The following GPHN variants were observed in gnomAD, a reference collection of about 807,000 sequenced individuals.
The protein encoded by GPHN is gephyrin.
In GPHN, 17 loss-of-function variants were observed where a neutral mutation model predicts 95.5. The observed-to-expected ratio is 0.18, with a 90% CI of 0.12 to 0.27. GPHN has a LOEUF of 0.27. Ranked by LOEUF, GPHN falls within the 10% of genes least tolerant of loss-of-function variation. GPHN has a pLI of 1.00. For synonymous variants in GPHN, 320 were observed against 322.5 expected (o/e 0.99, Z 0.08); for missense variants, 660 against 978.1 (o/e 0.67, Z 4.34).
chr14:67,332,812 A>G, the GPHN span: 3 of 1,613,492 alleles, frequency 1.9e-6, no homozygotes, highest in African/African-American at 2.7e-5. Flanking sequence ...TTGAGAAGAC[A>G]AGAGAGATGG....
At chr14:67,175,259 G>A (rs1302490977) in intron 21 of GPHN, among the ~76,000 whole-genome samples, 1 of 152,102 alleles carries the variant, frequency 6.6e-6, no homozygotes, top group African/African-American at 2.4e-5. Flanking sequence ...TTTGTATAAG[G>A]TGTAAGGAAG....
intron 8 of GPHN, among the ~76,000 whole-genome samples, chr14:66,952,617 A>T (rs1253955800): frequency 6.6e-6 from 1 of 152,206 alleles, no homozygotes; most frequent in African/African-American, 2.4e-5. Flanking sequence ...TTATCCATAG[A>T]GCTGCATCAT....
At chr14:66,627,087 C>G (rs1294662558) in intron 1 of GPHN, among the ~76,000 whole-genome samples, 3 of 151,928 alleles carry the variant, frequency 2.0e-5, no homozygotes, top group Non-Finnish European at 1.5e-5. Context: ...ATATATGACT[C>G]TTACCTTAAA....
chr14:67,355,875 C>T, the GPHN span, among the ~76,000 whole-genome samples: 3 of 151,812 alleles, frequency 2.0e-5, no homozygotes, highest in African/African-American at 7.3e-5. Context: ...TAGGGCACAC[C>T]GGTAATCCCA....
chr14:67,645,345 GA>G, the GPHN span, among the ~76,000 whole-genome samples: 2 of 152,106 alleles, frequency 1.3e-5, no homozygotes, highest in Admixed American at 1.3e-4. Context: ...ACAAATATTT[GA>G]GGTTCTTTTC....
rs561837485 is a variant in GPHN at position 66,571,765 on chromosome 14, C to T, written c.64+63174C>T. ...GTCGGAGCTTACAGTGAGCCGAGAT[C>T]GTGCCACTGCATTCTAGTCTGGGCA... is the stretch of plus-strand genomic sequence containing the variant. On this transcript the variant is annotated intron_variant, in intron 1 of 22. Transcript: ENST00000478722. 9.2e-5 allele frequency among the ~76,000 whole-genome samples: 14 copies of T among 152,150 alleles called. No homozygotes were observed. The South Asian group carries it at 1.7e-3, about 18-fold the overall frequency.
the GPHN span, chr14:67,571,717 C>T: frequency 6.2e-7 from 1 of 1,601,578 alleles, no homozygotes; most frequent in Non-Finnish European, 8.6e-7. Flanking sequence ...TGTTTTGCAG[C>T]CTGAGCTGCA....
At chr14:67,200,011 G>A in the GPHN span, 6 of 981,378 alleles carry the variant, frequency 6.1e-6, no homozygotes, top group African/African-American at 8.2e-5. Flanking sequence ...TGGACCTCAT[G>A]GTTTAGGACA....
At chr14:66,780,126 A>T (rs2059552601) in intron 3 of GPHN, among the ~76,000 whole-genome samples, 1 of 152,208 alleles carries the variant, frequency 6.6e-6, no homozygotes, top group Admixed American at 6.5e-5. Context: ...GAAATTGAGT[A>T]GATGGTGTTG....
At chr14:66,851,415 A>G (rs531148208) in intron 4 of GPHN, among the ~76,000 whole-genome samples, 1 of 152,006 alleles carries the variant, frequency 6.6e-6, no homozygotes, top group African/African-American at 2.4e-5. Context: ...TTTGTGTTTT[A>G]CCGAACTTTG....
intron 1 of GPHN, among the ~76,000 whole-genome samples, chr14:66,624,326 G>A (rs1347531375): frequency 6.6e-6 from 1 of 152,136 alleles, no homozygotes; most frequent in Non-Finnish European, 1.5e-5. Context: ...AGACACCTTG[G>A]TCCGTGTTTT....
At chr14:66,819,821 T>C (rs2061121369) in intron 3 of GPHN, among the ~76,000 whole-genome samples, 1 of 152,128 alleles carries the variant, frequency 6.6e-6, no homozygotes, top group African/African-American at 2.4e-5. Flanking sequence ...CATTCCAACA[T>C]CTTTCACTGC....
At chr14:66,611,047 G>C (rs1022756774) in intron 1 of GPHN, among the ~76,000 whole-genome samples, 3 of 152,134 alleles carry the variant, frequency 2.0e-5, no homozygotes, top group Admixed American at 6.6e-5. Context: ...CTAGGAGAAG[G>C]CTTGGTCAAG....
the GPHN span, among the ~76,000 whole-genome samples, chr14:67,485,267 C>A: frequency 6.6e-6 from 1 of 152,162 alleles, no homozygotes; most frequent in Non-Finnish European, 1.5e-5. Context: ...ATCTCTTTAC[C>A]CCCAACTCCC....
At chr14:66,599,065 T>TCC (rs1404652996) in intron 1 of GPHN, among the ~76,000 whole-genome samples, 3 of 152,146 alleles carry the variant, frequency 2.0e-5, no homozygotes, top group Non-Finnish European at 4.4e-5. Context: ...TTTTTTACTT[T>TCC]CAGTAATAAC....
chr14:67,435,771 G>A, the GPHN span, among the ~76,000 whole-genome samples: 1 of 152,156 alleles, frequency 6.6e-6, no homozygotes, highest in Non-Finnish European at 1.5e-5. Context: ...CTTCAACTCT[G>A]CCCAAGGCCT....
the GPHN span, among the ~76,000 whole-genome samples, chr14:67,244,441 C>T: frequency 6.6e-6 from 1 of 152,210 alleles, no homozygotes; most frequent in African/African-American, 2.4e-5. Context: ...TTTTGCTAAT[C>T]TGGTGGATGA....
intron 13 of GPHN, among the ~76,000 whole-genome samples, chr14:67,102,055 G>T (rs1463481274): frequency 6.6e-6 from 1 of 151,652 alleles, no homozygotes; most frequent in African/African-American, 2.4e-5. Flanking sequence ...TGTATTTTTA[G>T]TAGAGAGGGG....
chr14:66,700,436 C>T (rs919139483), intron 2 of GPHN, among the ~76,000 whole-genome samples: 2 of 152,072 alleles, frequency 1.3e-5, no homozygotes, highest in Non-Finnish European at 2.9e-5. Context: ...AATACATGTA[C>T]GCATGTTGGC....
Sources: allele counts gnomAD v4.1 joint callset (sites outside exome capture counted in the v4.1 genomes callset), GRCh38; gene constraint gnomAD v4.1.1; transcripts MANE v1.5; gene names NCBI Gene and HGNC (gene_info 2026-07-23, HGNC 2026-07-21).